Variants in STX5 observed in about 807,000 individuals in gnomAD.
STX5 encodes syntaxin-5.
STX5 carries 15 observed loss-of-function variants against 42.9 expected under a neutral mutation model. That is an observed-to-expected ratio of 0.35 (90% CI 0.23 to 0.54). STX5 has a LOEUF of 0.54. Among genes scored for constraint, STX5 ranks in the 20% least tolerant of loss-of-function variants. The pLI is 0.91. For missense variants in STX5, 430 were observed against 455.0 expected (o/e 0.95, Z 0.50); for synonymous variants, 184 against 173.2 (o/e 1.06, Z -0.49).
chr11:62,830,955 G>C (rs1360703279), intron 2 of STX5, 64 bp downstream of exon 2: 15 of 1,422,852 alleles, frequency 1.1e-5, no homozygotes, highest in Non-Finnish European at 1.5e-5. Context: ...AACAGTGGTG[G>C]AGCACAGTCC....
intron 10 of STX5, among the ~76,000 whole-genome samples, chr11:62,820,974 C>A (rs2084734325): frequency 6.6e-6 from 1 of 151,996 alleles, no homozygotes; most frequent in Non-Finnish European, 1.5e-5. Flanking sequence ...CTAGGGATTA[C>A]AAAATACACC....
chr11:62,811,275 A>T (rs1663139881), intron 10 of STX5, among the ~76,000 whole-genome samples: 1 of 152,086 alleles, frequency 6.6e-6, no homozygotes, highest in Admixed American at 6.6e-5. Flanking sequence ...CAGAACATGA[A>T]ATGCCTACTA....
chr11:62,830,860 C>T (rs576708745), intron 2 of STX5, among the ~76,000 whole-genome samples, 159 bp downstream of exon 2: 2 of 152,308 alleles, frequency 1.3e-5, no homozygotes, highest in East Asian at 3.9e-4. Flanking sequence ...GCCAGCCGAC[C>T]TCTTCTCTGT....
chr11:62,810,994 G>A (rs1411990128), intron 10 of STX5, among the ~76,000 whole-genome samples: 1 of 152,052 alleles, frequency 6.6e-6, no homozygotes, highest in Non-Finnish European at 1.5e-5. Context: ...TTCTTTCTCA[G>A]GAGCAAGGAG....
chr11:62,828,362 C>T (rs1287166951), intron 2 of STX5, among the ~76,000 whole-genome samples: 2 of 152,146 alleles, frequency 1.3e-5, no homozygotes, highest in African/African-American at 4.8e-5. Flanking sequence ...ATCCTCCCAC[C>T]TCAGCCTCCC....
intron 10 of STX5, chr11:62,816,135 G>A (rs943223565): frequency 6.6e-6 from 1 of 152,168 alleles, no homozygotes; most frequent in African/African-American, 2.4e-5. Context: ...TAAGGATTAA[G>A]TGTCACGATA....
At chr11:62,829,355 C>A (rs989204325) in intron 2 of STX5, among the ~76,000 whole-genome samples, 1 of 151,588 alleles carries the variant, frequency 6.6e-6, no homozygotes, top group African/African-American at 2.4e-5. Context: ...ACCCGGGAGG[C>A]GGAGGTTGCA....
At chr11:62,826,300 G>A (rs552172798) in intron 5 of STX5, among the ~76,000 whole-genome samples, 4 of 151,778 alleles carry the variant, frequency 2.6e-5, no homozygotes, top group East Asian at 3.9e-4. Context: ...GCTCACGCCT[G>A]TAATCCCATC....
At chr11:62,811,824 T>C (rs1366028781) in intron 10 of STX5, among the ~76,000 whole-genome samples, 1 of 151,962 alleles carries the variant, frequency 6.6e-6, no homozygotes, top group Non-Finnish European at 1.5e-5. Context: ...TACTGAGCTG[T>C]CACTGTCAAC....
intron 10 of STX5, chr11:62,807,910 C>A: frequency 4.6e-6 from 2 of 435,824 alleles, no homozygotes; most frequent in Non-Finnish European, 8.2e-6. Flanking sequence ...TTCTCTCAGG[C>A]TACTGTCTGT....
intron 2 of STX5, chr11:62,830,387 CG>C: frequency 5.4e-6 from 2 of 370,662 alleles, no homozygotes; most frequent in South Asian, 3.9e-5. Context: ...ACTGCCTGTA[CG>C]AAAAAATTTT....
At chr11:62,830,085 AAGAG>A (rs1235919244) in intron 2 of STX5, among the ~76,000 whole-genome samples, 49 of 146,160 alleles carry the variant, frequency 3.4e-4, no homozygotes, top group Non-Finnish European at 5.7e-4. Context: ...AAAAAAAAAA[AAGAG>A]AGAGAGGAAG....
At position 62,832,028 on chromosome 11, in the gene STX5, G is replaced by C; in HGVS notation, c.-94C>G. On this transcript the variant is annotated 5_prime_UTR_variant, in exon 1 of 11. Transcript: ENST00000294179. ...CACTGCCTCCTCCCCGAGCACTGAAGCCGCCGAAACCCGACCAAAGACTGG... is the reference window on the plus strand; with the variant it reads ...CACTGCCTCCTCCCCGAGCACTGAACCCGCCGAAACCCGACCAAAGACTGG... 1 of 480,644 alleles carries C rather than the reference G, an allele frequency of 2.1e-6. No individual in the cohort carries two copies. 29.8% of individuals were successfully genotyped at this position (480,644 alleles called of 1,614,324 possible).
At chr11:62,817,230 A>G (rs2084683714) in intron 10 of STX5, among the ~76,000 whole-genome samples, 1 of 152,058 alleles carries the variant, frequency 6.6e-6, no homozygotes, top group African/African-American at 2.4e-5. Flanking sequence ...GGCTAGCTTC[A>G]TTCTCTCTTA....
intron 2 of STX5, among the ~76,000 whole-genome samples, chr11:62,829,410 G>T (rs983907852): frequency 1.3e-5 from 2 of 149,112 alleles, no homozygotes; most frequent in Non-Finnish European, 3.0e-5. Context: ...GGCAACAAGA[G>T]CGAAATTCCC....
chr11:62,807,736 C>A, intron 10 of STX5, 108 bp from the exon 11 acceptor site: 1 of 1,511,552 alleles, frequency 6.6e-7, no homozygotes, highest in South Asian at 1.3e-5. Context: ...TGATCCCATT[C>A]TTATATATAT....
chr11:62,811,658 CT>C (rs1280875296), intron 10 of STX5, among the ~76,000 whole-genome samples: 4,291 of 142,642 alleles, frequency 0.03, 131 homozygotes, highest in African/African-American at 0.089. Context: ...TCTCTCATCC[CT>C]TTTTTTTTTT....
rs1434939848 is a variant in STX5 at position 62,831,143 on chromosome 11, C to T, written c.101G>A (p.Ser34Asn). ...QVLSPATAGS[S>N]SSDIAPLPPP... ...GGGCAGAGGGGCGATGTCGCTGCTG[C>T]TACTGCCAGCAGTTGCAGGGGACAG... Residue 34 changes from serine (S) to asparagine (N), a missense_variant, in exon 2 of 11, where the codon AGC becomes AAC. Ser to Asn is a conservative substitution (Grantham distance 46). Transcript: ENST00000294179. The T allele has an allele frequency of 6.4e-7, 1 of 1,558,072 alleles. No homozygotes were observed. Among genetic ancestry groups the T allele is most frequent in the East Asian group, 2.4e-5 (1 of 42,476 alleles).
intron 9 of STX5, 46 bp from the exon 10 acceptor site, chr11:62,824,333 G>C (rs992249637): frequency 3.2e-5 from 52 of 1,613,536 alleles, no homozygotes; most frequent in Non-Finnish European, 4.4e-5. Flanking sequence ...GCTTCTTCAG[G>C]GTCAGACCTG....
Sources: allele counts gnomAD v4.1 joint callset (sites outside exome capture counted in the v4.1 genomes callset), GRCh38; gene constraint gnomAD v4.1.1; transcripts MANE v1.5; gene names NCBI Gene and HGNC (gene_info 2026-07-23, HGNC 2026-07-21).